The following BPIFA3 variants were observed in gnomAD, a reference collection of about 807,000 sequenced individuals.
BPIFA3 encodes BPI fold-containing family A member 3.
A neutral mutation model predicts 29.7 loss-of-function variants in BPIFA3; 32 were observed. That is an observed-to-expected ratio of 1.08 (90% CI 0.81 to 1.45). BPIFA3 has a LOEUF of 1.45. Ranked by LOEUF, BPIFA3 falls within the 40% of genes most tolerant of loss-of-function variation. BPIFA3 has a pLI of 0.00. For missense variants in BPIFA3, 323 were observed against 311.3 expected (o/e 1.04, Z -0.28); for synonymous variants, 112 against 113.7 (o/e 0.98, Z 0.10).
Position 33,227,703 on chromosome 20 carries a change from C to A in BPIFA3, c.*86C>A. The A allele has an allele frequency of 1.7e-6, 2 of 1,179,784 alleles. No individual in the cohort carries two copies. The highest frequency in any genetic ancestry group is 2.5e-6 in the Non-Finnish European group (2 of 802,014). 73.1% of individuals were successfully genotyped at this position (1,179,784 alleles called of 1,614,324 possible). A position where few individuals can be genotyped will look rare whatever the true frequency, so the allele number is the denominator to read the frequency against. On this transcript the variant is annotated 3_prime_UTR_variant, in exon 7 of 7. Transcript: ENST00000375454. ...CTTCTGCTACCCTAAAAACTTTACC[C>A]CAGGCTCTGTGGACATACCATCCTC... is the stretch of plus-strand genomic sequence containing the variant.
At chr20:33,217,336 C>A, upstream of BPIFA3, 1 of 563,848 alleles carries the variant, frequency 1.8e-6, no homozygotes. Flanking sequence ...CCCAGGGTTC[C>A]ACATGTTGCT....
intron 1 of BPIFA3, among the ~76,000 whole-genome samples, chr20:33,219,118 C>T (rs149233661): frequency 5.9e-4 from 89 of 152,126 alleles, no homozygotes; most frequent in African/African-American, 1.9e-3. Flanking sequence ...GTTGGCCAGG[C>T]GGTCTCGAAC....
At chr20:33,217,720 G>A in intron 1 of BPIFA3, 57 bp downstream of exon 1, 1 of 1,560,570 alleles carries the variant, frequency 6.4e-7, no homozygotes, top group Non-Finnish European at 8.6e-7. Context: ...GTGGGAAGGT[G>A]CCATCTGGGC....
At chr20:33,219,297 G>C (rs1985407145) in intron 1 of BPIFA3, among the ~76,000 whole-genome samples, 1 of 152,070 alleles carries the variant, frequency 6.6e-6, no homozygotes, top group Non-Finnish European at 1.5e-5. Context: ...GACTTGAAGA[G>C]ACATTACTTA....
chr20:33,226,559 C>CATGAGAAGCCTGAGGCTCGGAGA (rs1243173167), intron 5 of BPIFA3, 69 bp downstream of exon 5: 9 of 977,780 alleles, frequency 9.2e-6, no homozygotes, highest in Non-Finnish European at 4.7e-6. Context: ...TATCCACTGG[C>CATGAGAAGCCTGAGGCTCGGAGA]AATTTAGCAA....
rs1317434401 is a variant in BPIFA3, at chr20:33,226,991, T to C, written c.683T>C (p.Ile228Thr). Residue 228 changes from isoleucine (I) to threonine (T), a missense_variant and splice_region_variant, in exon 6 of 7, where the codon ATA becomes ACA. By Grantham distance (89) the Ile-to-Thr change is moderately conservative. Transcript: ENST00000375454. The stretch of plus-strand genomic sequence containing the variant: ...GATGTGAAACTGTTGAAAAGCCTCA[T>C]AGGTGAGTGTCTGGTCCATCCAGTG... The part of the protein sequence containing the change: ...QLDVKLLKSL[I>T]EQEAAHEPTH... 1.2e-6 allele frequency: 2 copies of C among 1,613,194 alleles called. No individual in the cohort carries two copies. Among genetic ancestry groups the C allele is most frequent in the Admixed American group, 1.7e-5 (1 of 60,008 alleles).
At chr20:33,220,108 A>T (rs934006424) in intron 1 of BPIFA3, among the ~76,000 whole-genome samples, 1 of 151,184 alleles carries the variant, frequency 6.6e-6, no homozygotes, top group Non-Finnish European at 1.5e-5. Context: ...AAAAAAAAAA[A>T]AAAAATCAGG....
At chr20:33,221,671 A>G (rs1246931219) in intron 1 of BPIFA3, among the ~76,000 whole-genome samples, 1 of 151,976 alleles carries the variant, frequency 6.6e-6, no homozygotes, top group Non-Finnish European at 1.5e-5. Flanking sequence ...CTTCTAGATC[A>G]AAAGCTCTCA....
intron 6 of BPIFA3, 113 bp from the exon 7 acceptor site, chr20:33,227,425 T>G: frequency 1.2e-6 from 1 of 861,660 alleles, no homozygotes. Context: ...GGTTTTCACG[T>G]GAACGCTCCC....
chr20:33,227,657 T>C lies in BPIFA3; in HGVS notation c.*40T>C. ...AAGGAAAGTCCACATCTTGCAACCT[T>C]AAGTCTCCCTTAGAGTGGGGCTTCT... On this transcript the variant is annotated 3_prime_UTR_variant, in exon 7 of 7. Coordinates refer to ENST00000375454, the MANE Select transcript of BPIFA3 (RefSeq NM_178466.5). 3 of 1,557,216 alleles carry C rather than the reference T, an allele frequency of 1.9e-6. No homozygotes were observed. The highest frequency in any genetic ancestry group is 2.7e-6 in the Non-Finnish European group (3 of 1,128,746).
intron 1 of BPIFA3, among the ~76,000 whole-genome samples, chr20:33,221,081 A>G (rs2146483519): frequency 6.6e-6 from 1 of 152,216 alleles, no homozygotes; most frequent in East Asian, 1.9e-4. Context: ...AAATTGTATT[A>G]ATAGATTTTT....
intron 1 of BPIFA3, among the ~76,000 whole-genome samples, chr20:33,222,481 G>A (rs995038182): frequency 5.3e-5 from 8 of 152,192 alleles, no homozygotes; most frequent in African/African-American, 1.9e-4. Flanking sequence ...ATTTAAGGGA[G>A]TACTTGAATA....
At chr20:33,218,520 G>A (rs929306964) in intron 1 of BPIFA3, among the ~76,000 whole-genome samples, 2 of 152,166 alleles carry the variant, frequency 1.3e-5, no homozygotes, top group Admixed American at 6.5e-5. Flanking sequence ...CTGGAGGCTG[G>A]AAGTCCAAGA....
At chr20:33,223,209 G>A (rs902338695) in intron 1 of BPIFA3, among the ~76,000 whole-genome samples, 2 of 152,148 alleles carry the variant, frequency 1.3e-5, no homozygotes, top group African/African-American at 4.8e-5. Flanking sequence ...TCTCAGTGTG[G>A]GAACTGATCT....
At chr20:33,222,477 G>A (rs1039183284) in intron 1 of BPIFA3, among the ~76,000 whole-genome samples, 1 of 152,166 alleles carries the variant, frequency 6.6e-6, no homozygotes, top group Non-Finnish European at 1.5e-5. Context: ...AGGAATTTAA[G>A]GGAGTACTTG....
rs1326762151 is a variant in BPIFA3, at chr20:33,217,522, C to T, written c.-15C>T. ...CCCCATCTGACACTCTTGACATCTGCAGGTCCCAGACCCTATGATGTGTCC... is the reference window on the plus strand; with the variant it reads ...CCCCATCTGACACTCTTGACATCTGTAGGTCCCAGACCCTATGATGTGTCC... On this transcript the variant is annotated 5_prime_UTR_variant, in exon 1 of 7. Transcript: ENST00000375454. 1.2e-6 allele frequency: 2 copies of T among 1,612,130 alleles called. No homozygotes were observed. The highest frequency in any genetic ancestry group is 1.7e-6 in the Non-Finnish European group (2 of 1,179,208).
chr20:33,220,097 T>TA (rs879786771), intron 1 of BPIFA3, among the ~76,000 whole-genome samples: 12,928 of 119,380 alleles, frequency 0.11, 1,952 homozygotes, highest in African/African-American at 0.35. Flanking sequence ...CCCTGTCTCT[T>TA]AAAAAAAAAA....
At chr20:33,219,606 T>C (rs992766823) in intron 1 of BPIFA3, among the ~76,000 whole-genome samples, 1 of 152,252 alleles carries the variant, frequency 6.6e-6, no homozygotes, top group Non-Finnish European at 1.5e-5. Context: ...TTCGCTTCTC[T>C]CCATATGACT....
chr20:33,226,772 G>A, intron 5 of BPIFA3, 158 bp from the exon 6 acceptor site: 1 of 741,696 alleles, frequency 1.3e-6, no homozygotes, highest in Non-Finnish European at 2.3e-6. Flanking sequence ...TGTTGTGCAT[G>A]ACACTGAGCA....
Sources: allele counts gnomAD v4.1 joint callset (sites outside exome capture counted in the v4.1 genomes callset), GRCh38; gene constraint gnomAD v4.1.1; transcripts MANE v1.5; gene names NCBI Gene and HGNC (gene_info 2026-07-23, HGNC 2026-07-21).